The following CCDC15 variants were observed in gnomAD, a reference collection of about 807,000 sequenced individuals.
The protein encoded by CCDC15 is coiled-coil domain-containing protein 15.
Under a neutral mutation model 114.5 loss-of-function variants are expected in CCDC15, and 105 were observed. The ratio of observed to expected loss-of-function variants is 0.92; its 90% CI spans 0.78 to 1.08. CCDC15 has a LOEUF of 1.08. Ranked by LOEUF, CCDC15 falls within the 50% of genes least tolerant of loss-of-function variation. The pLI is 0.00. For synonymous variants in CCDC15, 334 were observed against 377.8 expected (o/e 0.88, Z 1.34); for missense variants, 1,105 against 1,093.6 (o/e 1.01, Z -0.15).
chr11:125,040,787 G>C lies in CCDC15; in HGVS notation c.*76G>C, dbSNP rs772809168. 122 of 1,259,560 alleles carry C rather than the reference G, an allele frequency of 9.7e-5. No individual in the cohort carries two copies. Among genetic ancestry groups the C allele is most frequent in the Non-Finnish European group, 1.2e-4 (111 of 899,830 alleles). The allele number at this position is 1,259,560 out of a possible 1,614,324, so 78.0% of individuals were successfully genotyped here. A position where few individuals can be genotyped will look rare whatever the true frequency, so the allele number is the denominator to read the frequency against. Reference sequence around the variant, plus strand: ...CCTGAGAGAGTATTTAAGAAAAGCTGTTCAAGTTATAAAATATATAATCTG... The same window carrying C: ...CCTGAGAGAGTATTTAAGAAAAGCTCTTCAAGTTATAAAATATATAATCTG... On this transcript the variant is annotated 3_prime_UTR_variant, in exon 16 of 16. Coordinates refer to ENST00000344762, the MANE Select transcript of CCDC15 (RefSeq NM_025004.3).
intron 13 of CCDC15, among the ~76,000 whole-genome samples, chr11:125,021,136 C>T (rs1040006624): frequency 2.0e-5 from 3 of 151,712 alleles, no homozygotes; most frequent in Admixed American, 2.0e-4. Context: ...TAAAATGGAG[C>T]TTTGAGGAAC....
At chr11:124,978,835 A>C (rs558022521) in intron 6 of CCDC15, among the ~76,000 whole-genome samples, 1 of 149,920 alleles carries the variant, frequency 6.7e-6, no homozygotes, top group South Asian at 2.1e-4. Context: ...TTTTTGTTGC[A>C]GTTGCTTTTG....
intron 6 of CCDC15, among the ~76,000 whole-genome samples, chr11:124,985,111 G>A (rs138175085): frequency 0.017 from 2,645 of 152,202 alleles, 59 homozygotes; most frequent in Non-Finnish European, 0.022. Context: ...ATGATATATC[G>A]TCTTTTGTGA....
intron 11 of CCDC15, among the ~76,000 whole-genome samples, chr11:125,000,855 T>C (rs917141458): frequency 7.2e-5 from 11 of 152,216 alleles, no homozygotes; most frequent in African/African-American, 2.4e-4. Flanking sequence ...CTAGGGGAGA[T>C]ACCAGGGGTA....
chr11:124,989,621 G>A (rs1002872565), intron 8 of CCDC15, among the ~76,000 whole-genome samples: 1 of 152,212 alleles, frequency 6.6e-6, no homozygotes. Context: ...GTTGTCCAGT[G>A]TAGCCACCTT....
intron 13 of CCDC15, among the ~76,000 whole-genome samples, chr11:125,020,727 A>G (rs1948655401): frequency 6.6e-6 from 1 of 152,022 alleles, no homozygotes; most frequent in African/African-American, 2.4e-5. Context: ...TCTAGTTTCT[A>G]TTGTGTATCA....
At chr11:124,965,684 T>A (rs1947764468) in intron 4 of CCDC15, among the ~76,000 whole-genome samples, 1 of 152,178 alleles carries the variant, frequency 6.6e-6, no homozygotes, top group Admixed American at 6.5e-5. Context: ...TTCTGCTAGC[T>A]TTTGAATTTG....
rs746201798 is a variant in CCDC15 at position 125,005,113 on chromosome 11, A to G, written c.2312A>G (p.Gln771Arg). ...ATTTTAACTTCTTACCTTTAGCGTCAAAAGCAGTACCTGAGACATAGACGA... is the reference window on the plus strand; with the variant it reads ...ATTTTAACTTCTTACCTTTAGCGTCGAAAGCAGTACCTGAGACATAGACGA... Reference protein sequence around the residue: ...VDKEEDKKERQKQYLRHRRLF... With the variant: ...VDKEEDKKERRKQYLRHRRLF... The change falls in exon 13 of 16, where the codon CAA becomes CGA. Residue 771 changes from glutamine to arginine, a missense_variant. Physicochemically the swap from Gln to Arg is conservative, Grantham distance 43 (BLOSUM62 1). Transcript: ENST00000344762. 5 of 1,469,610 alleles carry G rather than the reference A, an allele frequency of 3.4e-6. No homozygotes were observed. The Admixed American group carries it at 6.6e-5, about 19-fold the overall frequency. 91.0% of individuals were successfully genotyped at this position (1,469,610 alleles called of 1,614,324 possible). A position where few individuals can be genotyped will look rare whatever the true frequency, so the allele number is the denominator to read the frequency against.
chr11:124,957,628 A>G (rs1366818060), intron 2 of CCDC15, among the ~76,000 whole-genome samples: 1 of 152,196 alleles, frequency 6.6e-6, no homozygotes, highest in Non-Finnish European at 1.5e-5. Context: ...CTGGGGCTTG[A>G]GTTAAGCTGG....
chr11:125,038,594 G>T lies in CCDC15; in HGVS notation c.2575G>T (p.Glu859Ter). ...CAGAGAAAAACAACAGAGAGAAAAA[G>T]AATACCTGAGGTAATTTGAAAAGGT... Reference protein sequence around the residue: ...GTREKQQREKEYLRYVEALRA... With the variant: ...GTREKQQREK Residue 859 changes from glutamate (E) to a stop codon, truncating the protein, a stop_gained, in exon 14 of 16, where the codon GAA becomes TAA. Coordinates refer to ENST00000344762, the MANE Select transcript of CCDC15 (RefSeq NM_025004.3). LOFTEE classifies it high-confidence loss of function. The T allele has an allele frequency of 6.4e-7, 1 of 1,562,820 alleles. No individual in the cohort carries two copies. The highest frequency in any genetic ancestry group is 8.6e-7 in the Non-Finnish European group (1 of 1,158,122).
intron 14 of CCDC15, 145 bp downstream of exon 14, chr11:125,038,749 A>G: frequency 1.8e-6 from 2 of 1,138,648 alleles, no homozygotes; most frequent in Non-Finnish European, 2.4e-6. Context: ...AAATTTTTTG[A>G]TTGCCTAATA....
At chr11:124,977,686 A>T (rs1211267481) in intron 6 of CCDC15, 86 bp downstream of exon 6, 1 of 1,324,870 alleles carries the variant, frequency 7.5e-7, no homozygotes, top group Non-Finnish European at 1.0e-6. Flanking sequence ...AAGGGTTAAG[A>T]TATCCAGTAT....
chr11:125,019,733 A>C (rs1013478668), intron 13 of CCDC15, among the ~76,000 whole-genome samples: 2 of 151,956 alleles, frequency 1.3e-5, no homozygotes, highest in African/African-American at 4.8e-5. Flanking sequence ...AAGGTGGTAG[A>C]GGTGACGAGA....
chr11:125,001,168 A>T (rs1948474636), intron 11 of CCDC15, among the ~76,000 whole-genome samples: 1 of 152,208 alleles, frequency 6.6e-6, no homozygotes, highest in Non-Finnish European at 1.5e-5. Context: ...AAAACTTGGC[A>T]CCAAATAGAC....
rs1368785368 is a variant in CCDC15 at position 124,987,664 on chromosome 11, T to A, written c.1438T>A (p.Leu480Ile). Residue 480 changes from leucine (L) to isoleucine (I), a missense_variant, in exon 8 of 16, where the codon TTA (leucine) becomes ATA (isoleucine). Transcript: ENST00000344762. ...TTTTCTACCTAAGGACCAGAATTTTTTATCTAGAGACCAGCATGTTCTCCC... is the reference window on the plus strand; with the variant it reads ...TTTTCTACCTAAGGACCAGAATTTTATATCTAGAGACCAGCATGTTCTCCC... ...QNFLPKDQNF[L>I]SRDQHVLPKD... 4 of 1,610,420 alleles carry A rather than the reference T, an allele frequency of 2.5e-6. No homozygotes were observed. In the South Asian group the frequency reaches 4.4e-5, roughly 18 times the overall value.
At position 124,987,378 on chromosome 11, in the gene CCDC15, T is replaced by G; in HGVS notation, c.1152T>G (p.Ile384Met). The G allele has an allele frequency of 6.2e-7, 1 of 1,613,948 alleles. No individual in the cohort carries two copies. The highest frequency in any genetic ancestry group is 8.5e-7 in the Non-Finnish European group (1 of 1,179,868). Reference protein sequence around the residue: ...GQAIEPEGQPIKTETQGIMLK... With the variant: ...GQAIEPEGQPMKTETQGIMLK... ...CCATTGAGCCAGAAGGCCAGCCTAT[T>G]AAGACAGAAACTCAGGGTATTATGC... is the stretch of plus-strand genomic sequence containing the variant. The change falls in exon 8 of 16, where the codon ATT (isoleucine) becomes ATG (methionine). Residue 384 changes from isoleucine to methionine, a missense_variant. By Grantham distance (10) the Ile-to-Met change is conservative. Coordinates refer to ENST00000344762, the MANE Select transcript of CCDC15 (RefSeq NM_025004.3).
chr11:124,997,919 G>A (rs1002384789), intron 11 of CCDC15, among the ~76,000 whole-genome samples: 1 of 152,176 alleles, frequency 6.6e-6, no homozygotes, highest in African/African-American at 2.4e-5. Flanking sequence ...TCCAGCCTGG[G>A]TGACAAGAGC....
chr11:125,005,229 G>C lies in CCDC15; in HGVS notation c.2411+17G>C, dbSNP rs751540280. On this transcript the variant is annotated intron_variant, in intron 13 of 15. Coordinates refer to ENST00000344762, the MANE Select transcript of CCDC15 (RefSeq NM_025004.3). ...AATTGAAAAGTAAGTTATTCGATCTGCTCTGTGAGCCTTAAATTGCCAATT... is the reference window on the plus strand; with the variant it reads ...AATTGAAAAGTAAGTTATTCGATCTCCTCTGTGAGCCTTAAATTGCCAATT... 1.1e-5 allele frequency: 12 copies of C among 1,111,098 alleles called. No homozygotes were observed. The African/African-American group carries it at 1.9e-4, about 18-fold the overall frequency. The allele number at this position is 1,111,098 out of a possible 1,614,324, so 68.8% of individuals were successfully genotyped here. A position where few individuals can be genotyped will look rare whatever the true frequency, so the allele number is the denominator to read the frequency against.
intron 15 of CCDC15, among the ~76,000 whole-genome samples, chr11:125,039,885 A>G (rs1487248981): frequency 1.3e-5 from 2 of 151,890 alleles, no homozygotes; most frequent in African/African-American, 2.4e-5. Flanking sequence ...TGCACCTCAC[A>G]CTCAGTTCTC....
Sources: allele counts gnomAD v4.1 joint callset (sites outside exome capture counted in the v4.1 genomes callset), GRCh38; gene constraint gnomAD v4.1.1; transcripts MANE v1.5; gene names NCBI Gene and HGNC (gene_info 2026-07-23, HGNC 2026-07-21).